ITSN2: variants seen among roughly 807,000 people sequenced by gnomAD.
The protein encoded by ITSN2 is intersectin 2, also known as intersectin-2.
Under a neutral mutation model 243.7 loss-of-function variants are expected in ITSN2, and 156 were observed. The observed-to-expected ratio is 0.64, with a 90% CI of 0.56 to 0.73. The LOEUF is 0.73. ITSN2 is among the 30% of genes least tolerant of loss of function. The probability of loss-of-function intolerance (pLI) is 0.00; values close to 1 mark genes in which losing one functional copy is unlikely to be tolerated. For missense variants in ITSN2, 1,801 were observed against 1,996.1 expected (o/e 0.90, Z 1.86); for synonymous variants, 703 against 699.9 (o/e 1.00, Z -0.07).
chr2:24,310,120 A>G (rs1379782829), intron 7 of ITSN2, among the ~76,000 whole-genome samples, 164 bp downstream of exon 7: 2 of 152,222 alleles, frequency 1.3e-5, no homozygotes, highest in Non-Finnish European at 2.9e-5. Flanking sequence ...TAAAAATAAA[A>G]AATTTATTTT....
At chr2:24,357,234 C>A (rs186641828) in intron 1 of ITSN2, among the ~76,000 whole-genome samples, 218 of 152,202 alleles carry the variant, frequency 1.4e-3, no homozygotes, top group African/African-American at 4.9e-3. Context: ...CCCAAATGCC[C>A]GTCAATGATA....
chr2:24,264,946 A>C (rs1676480683), intron 20 of ITSN2, among the ~76,000 whole-genome samples: 1 of 152,018 alleles, frequency 6.6e-6, no homozygotes, highest in Non-Finnish European at 1.5e-5. Flanking sequence ...AAAAAAACAA[A>C]GCCTGCTGAG....
chr2:24,220,961 A>G lies in ITSN2; in HGVS notation c.3683T>C (p.Leu1228Pro). The change falls in exon 30 of 40, where the codon CTT (leucine) becomes CCT (proline). Residue 1228 changes from leucine (L) to proline (P), a missense_variant. Leu to Pro is a moderately conservative substitution (Grantham distance 98, BLOSUM62 -3). Coordinates refer to ENST00000355123, the MANE Select transcript of ITSN2 (RefSeq NM_006277.3). ...CCTCCTCACCTCGACGACGAGCTGA[A>G]GGTCAGCCATGTACCGCTCTTCGGT... The part of the protein sequence containing the change: ...IQTEERYMAD[L>P]QLVVEVFQKR... The G allele has an allele frequency of 6.3e-7, 1 of 1,599,034 alleles. No homozygotes were observed. Among genetic ancestry groups the G allele is most frequent in the Non-Finnish European group, 8.5e-7 (1 of 1,173,704 alleles).
At chr2:24,248,414 A>T (rs1184376383) in intron 27 of ITSN2, among the ~76,000 whole-genome samples, 1 of 152,208 alleles carries the variant, frequency 6.6e-6, no homozygotes. Flanking sequence ...GGAGAAAATT[A>T]TTCCTTAAAT....
Position 24,315,236 on chromosome 2 carries a change from G to A in ITSN2, c.32-12C>T. On this transcript the variant is annotated splice_polypyrimidine_tract_variant and intron_variant, in intron 2 of 39. Transcript: ENST00000355123. ...CATGTTTGGCCCTCCTGAAACATAAGTGGAAGAAACTATAGTGTATACATG... is the reference window on the plus strand; with the variant it reads ...CATGTTTGGCCCTCCTGAAACATAAATGGAAGAAACTATAGTGTATACATG... 2.6e-6 allele frequency: 4 copies of A among 1,534,010 alleles called. No individual in the cohort carries two copies. Among genetic ancestry groups the A allele is most frequent in the Non-Finnish European group, 1.8e-6 (2 of 1,110,528 alleles).
chr2:24,213,544 GCTT>G (rs1459551735), intron 32 of ITSN2, among the ~76,000 whole-genome samples: 1 of 152,154 alleles, frequency 6.6e-6, no homozygotes, highest in Non-Finnish European at 1.5e-5. Context: ...GCATCTTCGT[GCTT>G]CTTATTTCCA....
chr2:24,341,286 C>T (rs2151906268), intron 1 of ITSN2, among the ~76,000 whole-genome samples: 1 of 152,100 alleles, frequency 6.6e-6, no homozygotes, highest in East Asian at 1.9e-4. Flanking sequence ...ATAGTGAACA[C>T]TCTATCTAGA....
rs1045910561 is a variant in ITSN2, at chr2:24,204,656, G to A, written c.4763-238C>T. On this transcript the variant is annotated intron_variant, in intron 38 of 39. Coordinates refer to ENST00000355123, the MANE Select transcript of ITSN2 (RefSeq NM_006277.3). This position sits in a 1 kb window ranked among gnomAD's most constrained non-coding sequence, Gnocchi z 5.1. ...AGAGCTCCACCGCCAGGACCACTCCGCACGGAACAATCCTGGGTGAGTGTC... is the reference window on the plus strand; with the variant it reads ...AGAGCTCCACCGCCAGGACCACTCCACACGGAACAATCCTGGGTGAGTGTC... The A allele has an allele frequency of 4.8e-6, 3 of 623,630 alleles. No homozygotes were observed. Among genetic ancestry groups the A allele is most frequent in the African/African-American group, 1.8e-5 (1 of 55,706 alleles). The allele number at this position is 623,630 out of a possible 1,614,324, so 38.6% of individuals were successfully genotyped here. A position where few individuals can be genotyped will look rare whatever the true frequency, so the allele number is the denominator to read the frequency against.
intron 15 of ITSN2, among the ~76,000 whole-genome samples, chr2:24,287,892 G>GT (rs1363836250): frequency 6.6e-6 from 1 of 152,018 alleles, no homozygotes; most frequent in Non-Finnish European, 1.5e-5. Context: ...AAATTGGGTT[G>GT]TTTTTTGGTA....
intron 29 of ITSN2, among the ~76,000 whole-genome samples, chr2:24,227,373 A>G (rs35178370): frequency 6.6e-6 from 1 of 152,136 alleles, no homozygotes; most frequent in Non-Finnish European, 1.5e-5. Context: ...AGAACATATG[A>G]CAGTAGAACA....
chr2:24,348,965 A>T (rs1250099289), intron 1 of ITSN2, among the ~76,000 whole-genome samples: 1 of 152,202 alleles, frequency 6.6e-6, no homozygotes, highest in Non-Finnish European at 1.5e-5. Context: ...GAAAGCAAAC[A>T]TAAAATAATA....
intron 29 of ITSN2, among the ~76,000 whole-genome samples, chr2:24,233,227 T>C (rs1390169928): frequency 6.6e-6 from 1 of 152,200 alleles, no homozygotes; most frequent in Non-Finnish European, 1.5e-5. Context: ...CAATGGTATG[T>C]TCATATAACT....
At chr2:24,293,574 CA>C in intron 15 of ITSN2, 113 bp downstream of exon 15, 1 of 459,694 alleles carries the variant, frequency 2.2e-6, no homozygotes, top group South Asian at 4.2e-5. Flanking sequence ...AACTTACAGG[CA>C]AAAAGTGTTA....
At chr2:24,210,572 G>T (rs936449710) in intron 34 of ITSN2, among the ~76,000 whole-genome samples, 1 of 134,994 alleles carries the variant, frequency 7.4e-6, no homozygotes, top group South Asian at 2.3e-4. Flanking sequence ...AGATGATCTC[G>T]CCACTGCACT....
intron 37 of ITSN2, among the ~76,000 whole-genome samples, chr2:24,207,990 G>T (rs186161924): frequency 9.2e-5 from 14 of 151,930 alleles, no homozygotes; most frequent in Non-Finnish European, 1.9e-4. Flanking sequence ...GCAGTGGAGT[G>T]GGGGGGATAG....
rs113948483 is a variant in ITSN2 at position 24,267,227 on chromosome 2, G to A, written c.2355+3444C>T. ...CAGGGAGGGGAACATCACACAGCGG[G>A]ACCTGTCAGGGGGTGGGGGACTAGG... On this transcript the variant is annotated intron_variant, in intron 20 of 39. Coordinates refer to ENST00000355123, the MANE Select transcript of ITSN2 (RefSeq NM_006277.3). 4.8e-3 allele frequency among the ~76,000 whole-genome samples: 737 copies of A among 152,086 alleles called. 10 individuals carry two copies. The highest frequency in any genetic ancestry group is 0.017 in the African/African-American group (719 of 41,478).
intron 1 of ITSN2, among the ~76,000 whole-genome samples, chr2:24,351,786 G>A (rs1026821778): frequency 1.3e-5 from 2 of 152,078 alleles, no homozygotes; most frequent in South Asian, 2.1e-4. Flanking sequence ...TTATCAGACC[G>A]ACTGTCACAG....
At chr2:24,206,026 T>C (rs1047456800) in intron 37 of ITSN2, among the ~76,000 whole-genome samples, 2 of 151,968 alleles carry the variant, frequency 1.3e-5, no homozygotes, top group African/African-American at 4.8e-5. Context: ...CACAAAGTAA[T>C]TGACAAATGT....
At chr2:24,319,738 G>A (rs893719330) in intron 2 of ITSN2, among the ~76,000 whole-genome samples, 1 of 152,230 alleles carries the variant, frequency 6.6e-6, no homozygotes, top group African/African-American at 2.4e-5. Context: ...CTCTTCTGAT[G>A]TAGGTCCCAC....
Sources: allele counts gnomAD v4.1 joint callset (sites outside exome capture counted in the v4.1 genomes callset), GRCh38; gene constraint gnomAD v4.1.1; non-coding constraint Gnocchi (gnomAD v3.1); transcripts MANE v1.5; gene names NCBI Gene and HGNC (gene_info 2026-07-23, HGNC 2026-07-21).